Variants in TEAD4 observed in about 807,000 individuals in gnomAD.
TEAD4 encodes the protein TEA domain transcription factor 4, also known as transcriptional enhancer factor TEF-3.
A neutral mutation model predicts 52.4 loss-of-function variants in TEAD4; 36 were observed. The observed-to-expected ratio is 0.69, with a 90% CI of 0.53 to 0.91. The LOEUF is 0.91. Among genes scored for constraint, TEAD4 ranks in the 40% least tolerant of loss-of-function variants. TEAD4 has a pLI of 0.00. For synonymous variants in TEAD4, 220 were observed against 231.0 expected (o/e 0.95, Z 0.43); for missense variants, 508 against 583.9 (o/e 0.87, Z 1.34).
intron 6 of TEAD4, among the ~76,000 whole-genome samples, chr12:3,018,169 C>T (rs1264773751): frequency 1.3e-5 from 2 of 152,200 alleles, no homozygotes; most frequent in African/African-American, 4.8e-5. Flanking sequence ...AGCACTAGTC[C>T]ATCTGCATGT....
intron 2 of TEAD4, among the ~76,000 whole-genome samples, chr12:2,968,606 T>A (rs965353695): frequency 6.6e-6 from 1 of 151,850 alleles, no homozygotes; most frequent in Non-Finnish European, 1.5e-5. Context: ...TTATTTTTCA[T>A]AGAGACAGGA....
At chr12:2,963,605 T>G (rs2098217714) in intron 2 of TEAD4, among the ~76,000 whole-genome samples, 1 of 152,200 alleles carries the variant, frequency 6.6e-6, no homozygotes, top group African/African-American at 2.4e-5. Flanking sequence ...AGCTCCTATC[T>G]TCTAATTCCA....
chr12:2,991,404 G>T (rs1235343874), intron 2 of TEAD4, among the ~76,000 whole-genome samples: 1 of 152,190 alleles, frequency 6.6e-6, no homozygotes, highest in Non-Finnish European at 1.5e-5. Context: ...GCTCACGCCT[G>T]TGATTTCAGC....
intron 3 of TEAD4, among the ~76,000 whole-genome samples, chr12:3,004,731 G>T (rs754339629): frequency 2.0e-5 from 3 of 152,222 alleles, no homozygotes; most frequent in Non-Finnish European, 4.4e-5. Flanking sequence ...GTACTGATGA[G>T]GTATGCAGCA....
At chr12:3,040,032 T>C in intron 11 of TEAD4, 75 bp from the exon 12 acceptor site, 3 of 1,580,160 alleles carry the variant, frequency 1.9e-6, no homozygotes, top group Non-Finnish European at 2.6e-6. Flanking sequence ...CTGCCTTTCC[T>C]TCCCGTGGAG....
chr12:3,003,755 G>A (rs574013273), intron 3 of TEAD4, among the ~76,000 whole-genome samples: 1 of 152,234 alleles, frequency 6.6e-6, no homozygotes, highest in African/African-American at 2.4e-5. Flanking sequence ...CACCCAGGCC[G>A]GCCCTGGGGT....
At chr12:2,974,759 G>A (rs74057728) in intron 2 of TEAD4, among the ~76,000 whole-genome samples, 1 of 152,130 alleles carries the variant, frequency 6.6e-6, no homozygotes, top group Non-Finnish European at 1.5e-5. Flanking sequence ...TGCCCGTGCT[G>A]CTTGGACACC....
Position 3,038,750 on chromosome 12 carries a change from T to TG in TEAD4, c.1038+648dup, listed in dbSNP as rs569396278. On this transcript the variant is annotated intron_variant, in intron 11 of 12. Coordinates refer to ENST00000359864, the MANE Select transcript of TEAD4 (RefSeq NM_003213.4). The stretch of plus-strand genomic sequence containing the variant: ...GGCACCCTGCTTTCCGGTGCGTGTC[T>TG]GGGGGGTTGTGATAAAATCCTCTGT... Among the ~76,000 whole-genome samples, 14 of 152,302 alleles carry TG rather than the reference T, an allele frequency of 9.2e-5. No individual in the cohort carries two copies. The South Asian group carries it at 2.7e-3, about 29-fold the overall frequency.
chr12:3,024,250 AT>A (rs1278223127), intron 10 of TEAD4, among the ~76,000 whole-genome samples: 2 of 151,758 alleles, frequency 1.3e-5, no homozygotes, highest in African/African-American at 4.8e-5. Context: ...AATTTTTTGT[AT>A]TTTTTTAGTA....
chr12:2,988,770 A>G (rs1172643510), intron 2 of TEAD4, among the ~76,000 whole-genome samples: 2 of 152,136 alleles, frequency 1.3e-5, no homozygotes, highest in Non-Finnish European at 2.9e-5. Flanking sequence ...ACCAGTGGCC[A>G]ATGGTTTAAT....
chr12:3,010,705 C>T (rs867039257), intron 3 of TEAD4, among the ~76,000 whole-genome samples: 6 of 152,172 alleles, frequency 3.9e-5, no homozygotes, highest in Admixed American at 2.0e-4. Flanking sequence ...GGGTGAGGAA[C>T]GGTACCGGGG....
intron 10 of TEAD4, among the ~76,000 whole-genome samples, chr12:3,030,105 C>G (rs901747679): frequency 2.0e-5 from 3 of 152,274 alleles, no homozygotes; most frequent in Admixed American, 1.3e-4. Context: ...TTTGAATAAG[C>G]CCTGTGTCCC....
At chr12:2,996,629 T>C (rs2098247426) in intron 3 of TEAD4, among the ~76,000 whole-genome samples, 1 of 152,198 alleles carries the variant, frequency 6.6e-6, no homozygotes, top group Non-Finnish European at 1.5e-5. Context: ...AGGCTGGTCT[T>C]GAACTCCAGA....
chr12:3,009,039 A>G (rs2098258117), intron 3 of TEAD4, among the ~76,000 whole-genome samples: 1 of 152,202 alleles, frequency 6.6e-6, no homozygotes, highest in Non-Finnish European at 1.5e-5. Flanking sequence ...TGAGCCACAG[A>G]GTGTTCTCAC....
intron 2 of TEAD4, among the ~76,000 whole-genome samples, chr12:2,982,796 A>G (rs1192948595): frequency 1.3e-5 from 2 of 152,146 alleles, no homozygotes; most frequent in Non-Finnish European, 2.9e-5. Flanking sequence ...AGGGACATGG[A>G]GTGCAGGTCC....
chr12:3,035,387 C>G (rs375617472), intron 10 of TEAD4, among the ~76,000 whole-genome samples: 1 of 152,220 alleles, frequency 6.6e-6, no homozygotes, highest in East Asian at 1.9e-4. Flanking sequence ...TTCCTGCCAG[C>G]GGCATTTCAG....
At position 2,997,814 on chromosome 12, in the gene TEAD4, G is replaced by C. The variant is rs904116186; in HGVS notation, c.226+2822G>C. ...TGAGGACTTGCTTTTTCGGGGGGGG[G>C]GTGTGTGTGTGTTAAAAAATACGTA... On this transcript the variant is annotated intron_variant, in intron 3 of 12. Coordinates refer to ENST00000359864, the MANE Select transcript of TEAD4 (RefSeq NM_003213.4). Among the ~76,000 whole-genome samples, 33 of 147,162 alleles carry C rather than the reference G, an allele frequency of 2.2e-4. 1 individual carries two copies. Among genetic ancestry groups the C allele is most frequent in the Non-Finnish European group, 3.9e-4 (26 of 67,454 alleles).
At chr12:3,002,125 C>G (rs2098252210) in intron 3 of TEAD4, among the ~76,000 whole-genome samples, 1 of 152,152 alleles carries the variant, frequency 6.6e-6, no homozygotes. Flanking sequence ...CATATTTCCC[C>G]TTTTATGTCT....
intron 5 of TEAD4, among the ~76,000 whole-genome samples, chr12:3,014,526 C>T (rs1184361884): frequency 6.6e-6 from 1 of 152,218 alleles, no homozygotes; most frequent in African/African-American, 2.4e-5. Context: ...AGTGATTAAG[C>T]TCTGGGTTGG....
Sources: gnomAD v4.1 joint callset for allele counts (sites outside exome capture counted in the v4.1 genomes callset) on GRCh38, gnomAD v4.1.1 for gene constraint, MANE v1.5 for transcripts, NCBI Gene and HGNC (gene_info 2026-07-23, HGNC 2026-07-21) for gene names.